The following MRPL13 variants were observed in gnomAD, a reference collection of about 807,000 sequenced individuals.
MRPL13 encodes the protein large ribosomal subunit protein uL13m.
Under a neutral mutation model 29.0 loss-of-function variants are expected in MRPL13, and 33 were observed. The observed-to-expected ratio is 1.14, with a 90% confidence interval of 0.86 to 1.52. MRPL13 has a LOEUF of 1.52. Among genes scored for constraint, MRPL13 ranks in the 40% most tolerant of loss-of-function variants. The probability of loss-of-function intolerance (pLI) is 0.00; values close to 1 mark genes in which losing one functional copy is unlikely to be tolerated. For synonymous variants in MRPL13, 77 were observed against 68.4 expected (o/e 1.13, Z -0.62); for missense variants, 227 against 216.7 (o/e 1.05, Z -0.30).
chr8:120,396,810 T>C (rs990878128), intron 6 of MRPL13, among the ~76,000 whole-genome samples: 1 of 152,174 alleles, frequency 6.6e-6, no homozygotes, highest in Non-Finnish European at 1.5e-5. Context: ...TTTGTAGGTG[T>C]TGGGTTTCCA....
chr8:120,421,773 C>G (rs941436205), intron 4 of MRPL13, among the ~76,000 whole-genome samples: 4 of 151,614 alleles, frequency 2.6e-5, no homozygotes, highest in African/African-American at 9.7e-5. Flanking sequence ...CAAAAGTTAC[C>G]TAAGACCAAA....
In MRPL13 at chr8:120,395,817, T is replaced by G. The variant is rs1812515943; in HGVS notation, c.*287A>C. 3.7e-6 allele frequency: 1 copy of G among 272,974 alleles called. No homozygotes were observed. Among genetic ancestry groups the G allele is most frequent in the East Asian group, 7.8e-5 (1 of 12,838 alleles). 16.9% of individuals were successfully genotyped at this position (272,974 alleles called of 1,614,324 possible). A position where few individuals can be genotyped will look rare whatever the true frequency, so the allele number is the denominator to read the frequency against. On this transcript the variant is annotated 3_prime_UTR_variant, in exon 7 of 7. Coordinates refer to ENST00000306185, the MANE Select transcript of MRPL13 (RefSeq NM_014078.6). ...ACTGCAATTCTATACACAGGGTCTG[T>G]TTTTTATCATTAAATGCAACACTAA...
intron 6 of MRPL13, among the ~76,000 whole-genome samples, chr8:120,402,083 A>G (rs892212326): frequency 2.0e-5 from 3 of 152,204 alleles, no homozygotes; most frequent in African/African-American, 7.2e-5. Context: ...GCCCAAAGTA[A>G]TTTACAGATT....
chr8:120,403,742 T>G (rs188210569), intron 6 of MRPL13, among the ~76,000 whole-genome samples: 1 of 152,230 alleles, frequency 6.6e-6, no homozygotes, highest in Non-Finnish European at 1.5e-5. Flanking sequence ...CTTAATCTAC[T>G]AGTCCTTTTC....
intron 6 of MRPL13, among the ~76,000 whole-genome samples, chr8:120,406,156 AT>A (rs555658562): frequency 1.3e-5 from 2 of 152,146 alleles, no homozygotes; most frequent in African/African-American, 2.4e-5. Flanking sequence ...ACACCTGTCA[AT>A]TTTTTTCATA....
At chr8:120,407,739 T>TA (rs1812692527) in intron 6 of MRPL13, among the ~76,000 whole-genome samples, 2 of 152,114 alleles carry the variant, frequency 1.3e-5, no homozygotes, top group African/African-American at 4.8e-5. Flanking sequence ...ATTTTTCAAG[T>TA]AAAAAAATTC....
chr8:120,408,023 A>G (rs1812696260), intron 6 of MRPL13, among the ~76,000 whole-genome samples: 1 of 152,236 alleles, frequency 6.6e-6, no homozygotes, highest in Admixed American at 6.5e-5. Context: ...TGGTGACATC[A>G]CATATTCTTT....
chr8:120,422,803 A>C (rs920175185), intron 4 of MRPL13, among the ~76,000 whole-genome samples: 11 of 151,782 alleles, frequency 7.2e-5, no homozygotes, highest in African/African-American at 2.4e-4. Context: ...TCAGCTCAAA[A>C]AACTTAGGTT....
rs373405530 is a variant in MRPL13 at position 120,440,693 on chromosome 8, C to T, written c.151+2492G>A. Among the ~76,000 whole-genome samples, 120 of 149,498 alleles carry T rather than the reference C, an allele frequency of 8.0e-4. 1 individual carries two copies. Among genetic ancestry groups the T allele is most frequent in the African/African-American group, 2.8e-3 (113 of 40,734 alleles). On this transcript the variant is annotated intron_variant, in intron 2 of 6. Coordinates refer to ENST00000306185, the MANE Select transcript of MRPL13 (RefSeq NM_014078.6). ...ATAGGTCTGAGTGGATTGACAGAAA[C>T]AATTAATAGTAAAAAAATAAATAAA... is the stretch of plus-strand genomic sequence containing the variant.
At chr8:120,417,489 T>C (rs1812818085) in intron 5 of MRPL13, among the ~76,000 whole-genome samples, 1 of 152,178 alleles carries the variant, frequency 6.6e-6, no homozygotes, top group Non-Finnish European at 1.5e-5. Context: ...TATTCTTCTA[T>C]AGAGGGCTTT....
intron 6 of MRPL13, among the ~76,000 whole-genome samples, chr8:120,399,518 C>T (rs193042321): frequency 6.6e-6 from 1 of 152,302 alleles, no homozygotes; most frequent in Non-Finnish European, 1.5e-5. Flanking sequence ...AAAGGAACAA[C>T]CATTACCAGC....
At position 120,417,993 on chromosome 8, in the gene MRPL13, G is replaced by GA. The variant is rs545042980; in HGVS notation, c.393+1858dup. On this transcript the variant is annotated intron_variant, in intron 5 of 6. Transcript: ENST00000306185. Reference sequence around the variant, plus strand: ...AAAAATAAATTTAAAGATAGTCTCTGAAAAAAATCTCATTCTTTCCCTATT... The same window carrying GA: ...AAAAATAAATTTAAAGATAGTCTCTGAAAAAAAATCTCATTCTTTCCCTATT... Among the ~76,000 whole-genome samples the GA allele has an allele frequency of 4.7e-4, 71 of 152,074 alleles. 2 individuals carry two copies. The South Asian group carries it at 0.014, about 31-fold the overall frequency.
chr8:120,419,271 T>C (rs1457311209), intron 5 of MRPL13, among the ~76,000 whole-genome samples: 1 of 151,986 alleles, frequency 6.6e-6, no homozygotes, highest in African/African-American at 2.4e-5. Context: ...GATAAAATAT[T>C]ATTTTATTAT....
At chr8:120,415,840 G>C (rs547955102) in intron 5 of MRPL13, 1 of 152,250 alleles carries the variant, frequency 6.6e-6, no homozygotes, top group East Asian at 1.9e-4. Flanking sequence ...CTACCTGTCA[G>C]ATATTTCCAA....
intron 5 of MRPL13, chr8:120,414,321 A>AT: frequency 3.1e-6 from 1 of 323,856 alleles, no homozygotes; most frequent in Non-Finnish European, 5.3e-6. Flanking sequence ...TAAGATACCT[A>AT]TTTTTTAAAA....
At chr8:120,397,632 T>C (rs1422338166) in intron 6 of MRPL13, among the ~76,000 whole-genome samples, 1 of 151,904 alleles carries the variant, frequency 6.6e-6, no homozygotes, top group Non-Finnish European at 1.5e-5. Flanking sequence ...AGTGGGACCC[T>C]AATCCATCCC....
At chr8:120,402,271 C>T (rs747468739) in intron 6 of MRPL13, among the ~76,000 whole-genome samples, 1 of 152,170 alleles carries the variant, frequency 6.6e-6, no homozygotes, top group Non-Finnish European at 1.5e-5. Context: ...CTACAGTAAC[C>T]AAAATCGTGT....
At chr8:120,425,772 T>C (rs570587910) in intron 3 of MRPL13, among the ~76,000 whole-genome samples, 2 of 152,260 alleles carry the variant, frequency 1.3e-5, no homozygotes, top group East Asian at 3.9e-4. Context: ...GGTAGTCCAC[T>C]TGGTTCTGAA....
At chr8:120,407,544 G>A (rs1350979108) in intron 6 of MRPL13, among the ~76,000 whole-genome samples, 1 of 152,004 alleles carries the variant, frequency 6.6e-6, no homozygotes, top group African/African-American at 2.4e-5. Context: ...TACTTGGGAG[G>A]ATGAGGCAGG....
Sources: allele counts gnomAD v4.1 joint callset (sites outside exome capture counted in the v4.1 genomes callset), GRCh38; gene constraint gnomAD v4.1.1; transcripts MANE v1.5; gene names NCBI Gene and HGNC (gene_info 2026-07-23, HGNC 2026-07-21).